The following GSG1L2 variants were observed in gnomAD, a reference collection of about 807,000 sequenced individuals.
GSG1L2 encodes the protein GSG1 like 2.
In GSG1L2, 15 loss-of-function variants were observed where a neutral mutation model predicts 9.0. That is an observed-to-expected ratio of 1.67 (90% CI 1.12 to 2.57). GSG1L2 has a LOEUF of 2.57. Ranked by LOEUF, GSG1L2 falls within the 30% of genes most tolerant of loss-of-function variation. The pLI is 0.00. For missense variants in GSG1L2, 286 were observed against 150.3 expected (o/e 1.90, Z -4.72); for synonymous variants, 127 against 57.9 (o/e 2.19, Z -5.41).
chr17:9,813,594 C>A (rs41479247), intron 1 of GSG1L2, among the ~76,000 whole-genome samples: 32,525 of 152,132 alleles, frequency 0.21, 3,593 homozygotes, highest in Middle Eastern at 0.24. Context: ...CGCCGGTTCT[C>A]CCAAGGATGT....
chr17:9,809,200 C>G, intron 2 of GSG1L2: 108 of 331,812 alleles, frequency 3.3e-4, no homozygotes, highest in East Asian at 5.6e-4. Context: ...GCTGAACGGG[C>G]GGTGGGGTGG....
intron 2 of GSG1L2, 166 bp from the exon 3 acceptor site, chr17:9,809,148 A>C: frequency 1.0e-5 from 6 of 597,060 alleles, no homozygotes; most frequent in Admixed American, 2.6e-5. Flanking sequence ...ATGGAAAGGC[A>C]CTCCTCAGGG....
At position 9,808,888 on chromosome 17, in the gene GSG1L2, G is replaced by C; in HGVS notation, c.453C>G (p.Ser151Arg). Residue 151 changes from serine (S) to arginine (R), a missense_variant, in exon 3 of 5, where the codon AGC becomes AGG. Transcript: ENST00000399363. Reference protein sequence around the residue: ...ILLGSRVSCRSPGFHWLRVDA... With the variant: ...ILLGSRVSCRRPGFHWLRVDA... The stretch of plus-strand genomic sequence containing the variant: ...CCACCCTGAGCCAGTGGAACCCAGG[G>C]CTGCGACAACTCACTCTGGAGCCCA... 1.4e-6 allele frequency: 1 copy of C among 702,972 alleles called. No individual in the cohort carries two copies. The highest frequency in any genetic ancestry group is 1.5e-5 in the South Asian group (1 of 67,582). The allele number at this position is 702,972 out of a possible 1,614,324, so 43.5% of individuals were successfully genotyped here. A position where few individuals can be genotyped will look rare whatever the true frequency, so the allele number is the denominator to read the frequency against.
chr17:9,808,957 GC>G lies in GSG1L2; in HGVS notation c.383del (p.Gly128AlafsTer8). 1.4e-6 allele frequency: 1 copy of G among 703,002 alleles called. No homozygotes were observed. The allele number at this position is 703,002 out of a possible 1,614,324, so 43.5% of individuals were successfully genotyped here. A position where few individuals can be genotyped will look rare whatever the true frequency, so the allele number is the denominator to read the frequency against. ...GTATCAGAACGATATCCAGGACCTCGCCCCCGATGGACAGCCACAAAACACC... is the reference window on the plus strand; with the variant it reads ...GTATCAGAACGATATCCAGGACCTCGCCCCGATGGACAGCCACAAAACACC... The part of the protein sequence containing the change: ...EQGVLWLSIG[G>X]EVLDIVLILT... On this transcript the variant is annotated frameshift_variant, in exon 3 of 5. Coordinates refer to ENST00000399363, the MANE Select transcript of GSG1L2 (RefSeq NM_001310219.2). LOFTEE classifies it high-confidence loss of function.
chr17:9,807,606 G>A lies in GSG1L2; in HGVS notation c.512-5C>T, dbSNP rs1175843402. ...GGGCCACCATGCCTAGAAGCCCTGC[G>A]CAAGGAAAGCTCTGTGAGTCACAGC... On this transcript the variant is annotated splice_region_variant and splice_polypyrimidine_tract_variant and intron_variant, in intron 3 of 4. Transcript: ENST00000399363. 16 of 703,256 alleles carry A rather than the reference G, an allele frequency of 2.3e-5. No homozygotes were observed. Among genetic ancestry groups the A allele is most frequent in the Admixed American group, 8.0e-5 (4 of 49,996 alleles). 43.6% of individuals were successfully genotyped at this position (703,256 alleles called of 1,614,324 possible). A position where few individuals can be genotyped will look rare whatever the true frequency, so the allele number is the denominator to read the frequency against.
At position 9,801,751 on chromosome 17, in the gene GSG1L2, A is replaced by C. The variant is rs572041378; in HGVS notation, c.*635T>G. Among the ~76,000 whole-genome samples, 1 of 152,348 alleles carries C rather than the reference A, an allele frequency of 6.6e-6. No homozygotes were observed. Among genetic ancestry groups the C allele is most frequent in the South Asian group, 2.1e-4 (1 of 4,828 alleles). On this transcript the variant is annotated 3_prime_UTR_variant, in exon 5 of 5. Transcript: ENST00000399363. ...TCAAACATGTGTTCCACTTAAACTA[A>C]GATAAGATGTCATTCCATTTGACTG...
In GSG1L2 at chr17:9,808,860, C is replaced by A. The variant is rs534302891; in HGVS notation, c.481G>T (p.Ala161Ser). 1.8e-5 allele frequency: 13 copies of A among 702,850 alleles called. No individual in the cohort carries two copies. Among genetic ancestry groups the A allele is most frequent in the Middle Eastern group, 2.3e-4 (1 of 4,390 alleles). 43.5% of individuals were successfully genotyped at this position (702,850 alleles called of 1,614,324 possible). ...SPGFHWLRVD[A>S]LVAIFMVLAG... The stretch of plus-strand genomic sequence containing the variant: ...AGCACCATGAAGATGGCTACCAAGG[C>A]ATCCACCCTGAGCCAGTGGAACCCA... Residue 161 changes from alanine to serine, a missense_variant, in exon 3 of 5, where the codon GCC becomes TCC. Coordinates refer to ENST00000399363, the MANE Select transcript of GSG1L2 (RefSeq NM_001310219.2).
At position 9,810,617 on chromosome 17, in the gene GSG1L2, A is replaced by C. The variant is rs1010720456; in HGVS notation, c.312T>G (p.Asp104Glu). 4 of 702,922 alleles carry C rather than the reference A, an allele frequency of 5.7e-6. No homozygotes were observed. Among genetic ancestry groups the C allele is most frequent in the Non-Finnish European group, 1.0e-5 (4 of 385,018 alleles). 43.5% of individuals were successfully genotyped at this position (702,922 alleles called of 1,614,324 possible). ...QSCEESLNGE[D>E]EKCRSFRSVV... ...CACTCCGGAAACTCCTACACTTTTC[A>C]TCTGAAAGATAAAGAGAATGCATCC... The change falls in exon 2 of 5, where the codon GAT becomes GAG. Residue 104 changes from aspartate to glutamate, a missense_variant and splice_region_variant. Coordinates refer to ENST00000399363, the MANE Select transcript of GSG1L2 (RefSeq NM_001310219.2).
Position 9,820,028 on chromosome 17 carries a change from T to C in GSG1L2, c.310+1734A>G, listed in dbSNP as rs2066582881. ...CACTTAAAACCCAGGAGGTGGAAGT[T>C]GCAGTGAGCTGAGATTGCGCCGTTG... On this transcript the variant is annotated intron_variant, in intron 1 of 4. Transcript: ENST00000399363. This position sits in a 1 kb window ranked among gnomAD's most constrained non-coding sequence, Gnocchi z 4.9. Among the ~76,000 whole-genome samples, 1 of 151,908 alleles carries C rather than the reference T, an allele frequency of 6.6e-6. No individual in the cohort carries two copies. The highest frequency in any genetic ancestry group is 1.5e-5 in the Non-Finnish European group (1 of 67,976).
At chr17:9,815,653 T>C (rs1484279407) in intron 1 of GSG1L2, among the ~76,000 whole-genome samples, 3 of 152,244 alleles carry the variant, frequency 2.0e-5, no homozygotes, top group Non-Finnish European at 4.4e-5. Flanking sequence ...GACTTCAAGA[T>C]ACTTTTTCTT....
chr17:9,817,272 C>G (rs1361966350), intron 1 of GSG1L2, among the ~76,000 whole-genome samples: 1 of 152,304 alleles, frequency 6.6e-6, no homozygotes, highest in Non-Finnish European at 1.5e-5. Flanking sequence ...AAGCCCAGCC[C>G]ATGCGGATTT....
At chr17:9,821,516 T>C (rs1423738735) in intron 1 of GSG1L2, among the ~76,000 whole-genome samples, 1 of 152,228 alleles carries the variant, frequency 6.6e-6, no homozygotes, top group Non-Finnish European at 1.5e-5. Context: ...AGGTAAGTAC[T>C]GCTATCATTC....
At chr17:9,803,072 A>G (rs1265093481) in intron 4 of GSG1L2, among the ~76,000 whole-genome samples, 7 of 150,940 alleles carry the variant, frequency 4.6e-5, no homozygotes, top group Non-Finnish European at 7.4e-5. Context: ...GTTGGCTGTA[A>G]CCCAGGACAG....
At chr17:9,803,251 C>A (rs140454487) in intron 4 of GSG1L2, among the ~76,000 whole-genome samples, 3 of 152,166 alleles carry the variant, frequency 2.0e-5, no homozygotes, top group East Asian at 3.9e-4. Flanking sequence ...CACAGGCATG[C>A]GCCACCACAC....
intron 4 of GSG1L2, among the ~76,000 whole-genome samples, chr17:9,806,478 T>C (rs2066516697): frequency 6.6e-6 from 1 of 152,216 alleles, no homozygotes; most frequent in Admixed American, 6.5e-5. Context: ...TTACATATGC[T>C]TCTTTTGCTA....
chr17:9,817,718 C>T (rs2066573354), intron 1 of GSG1L2, among the ~76,000 whole-genome samples: 1 of 152,126 alleles, frequency 6.6e-6, no homozygotes, highest in African/African-American at 2.4e-5. Context: ...AGCCACCATA[C>T]CTGGCCCAAT....
At chr17:9,814,413 G>A (rs952575388) in intron 1 of GSG1L2, among the ~76,000 whole-genome samples, 2 of 152,086 alleles carry the variant, frequency 1.3e-5, no homozygotes, top group East Asian at 1.9e-4. Context: ...CCTAATGCAC[G>A]GAGAAGTGAA....
rs533192082 is a variant in GSG1L2, at chr17:9,808,994, C to T, written c.359-12G>A. The T allele has an allele frequency of 4.3e-4, 303 of 702,898 alleles. 1 individual carries two copies. Among genetic ancestry groups the T allele is most frequent in the South Asian group, 8.7e-4 (59 of 67,594 alleles). The allele number at this position is 702,898 out of a possible 1,614,324, so 43.5% of individuals were successfully genotyped here. A position where few individuals can be genotyped will look rare whatever the true frequency, so the allele number is the denominator to read the frequency against. ...CAGCCACAAAACACCTGCCAAAGAA[C>T]GGGATGTTGGAAACGCTGGACACTT... On this transcript the variant is annotated splice_polypyrimidine_tract_variant and intron_variant, in intron 2 of 4. Transcript: ENST00000399363.
At position 9,801,264 on chromosome 17, in the gene GSG1L2, A is replaced by G. The variant is rs1028650172; in HGVS notation, c.*1122T>C. The stretch of plus-strand genomic sequence containing the variant: ...ACTCTATTGCCCAGGCTGGAGTGCA[A>G]TGGCGCGATCTCTGCTCACTGCAAC... On this transcript the variant is annotated 3_prime_UTR_variant, in exon 5 of 5. Coordinates refer to ENST00000399363, the MANE Select transcript of GSG1L2 (RefSeq NM_001310219.2). Among the ~76,000 whole-genome samples, 2 of 151,826 alleles carry G rather than the reference A, an allele frequency of 1.3e-5. No individual in the cohort carries two copies. Among genetic ancestry groups the G allele is most frequent in the Non-Finnish European group, 2.9e-5 (2 of 67,992 alleles).
Sources: gnomAD v4.1 joint callset for allele counts (sites outside exome capture counted in the v4.1 genomes callset) on GRCh38, gnomAD v4.1.1 for gene constraint, Gnocchi (gnomAD v3.1) non-coding constraint, MANE v1.5 for transcripts, NCBI Gene and HGNC (gene_info 2026-07-23, HGNC 2026-07-21) for gene names.